Variants in MSTO1 observed in about 807,000 individuals in gnomAD.
MSTO1 encodes protein misato homolog 1.
MSTO1 carries 24 observed loss-of-function variants against 55.7 expected under a neutral mutation model. That is an observed-to-expected ratio of 0.43 (90% confidence interval 0.31 to 0.61). The LOEUF (loss-of-function observed/expected upper bound fraction) is 0.61. MSTO1 is among the 20% of genes least tolerant of loss of function. The pLI is 0.09. For synonymous variants in MSTO1, 162 were observed against 252.8 expected (o/e 0.64, Z 3.41); for missense variants, 363 against 625.7 (o/e 0.58, Z 4.48).
the MSTO1 span, among the ~76,000 whole-genome samples, chr1:155,580,228 GA>G: frequency 0.016 from 2,003 of 123,278 alleles, 46 homozygotes; most frequent in African/African-American, 0.054. Context: ...CTGACTCTAA[GA>G]AAAAAAAAAA....
At chr1:155,568,587 C>T in the MSTO1 span, among the ~76,000 whole-genome samples, 2 of 151,546 alleles carry the variant, frequency 1.3e-5, no homozygotes, top group South Asian at 2.1e-4. Flanking sequence ...TACAGATGCT[C>T]GCCACCACAC....
chr1:155,605,024 G>C, the MSTO1 span, among the ~76,000 whole-genome samples: 1 of 152,222 alleles, frequency 6.6e-6, no homozygotes. Context: ...ACTTTGGGAG[G>C]CTGAGGCAGG....
the MSTO1 span, among the ~76,000 whole-genome samples, chr1:155,600,221 G>A: frequency 1.3e-5 from 2 of 152,202 alleles, no homozygotes; most frequent in Non-Finnish European, 2.9e-5. Flanking sequence ...GCAGTGTTTT[G>A]TGTCTCTGGG....
the MSTO1 span, chr1:155,601,983 T>C: frequency 2.5e-6 from 1 of 396,690 alleles, no homozygotes; most frequent in African/African-American, 2.1e-5. Flanking sequence ...CTCGATCTCC[T>C]GACCTCGTGA....
upstream of MSTO1, among the ~76,000 whole-genome samples, chr1:155,609,228 T>G (rs1673231113): frequency 4.3e-5 from 2 of 46,672 alleles, no homozygotes; most frequent in African/African-American, 6.5e-5. Context: ...TATATATATA[T>G]ATATATATAT....
At chr1:155,609,245 T>TATATATATATA (rs1673298925), upstream of MSTO1, among the ~76,000 whole-genome samples, 4 of 67,780 alleles carry the variant, frequency 5.9e-5, no homozygotes, top group Non-Finnish European at 9.2e-5. Context: ...ATATATATAT[T>TATATATATATA]TTTTTTTTTT....
Position 155,612,481 on chromosome 1 carries a change from C to T in MSTO1, c.877C>T (p.His293Tyr). 6.2e-7 allele frequency: 1 copy of T among 1,614,048 alleles called. No homozygotes were observed. ...TAFGLVHLTA[H>Y]SSLVCPLSLG... Reference sequence around the variant, plus strand: ...TTTTGGTCTCGTGCACCTGACTGCTCACAGCTCTCTTGTCTGCCCCTTGTC... The same window carrying T: ...TTTTGGTCTCGTGCACCTGACTGCTTACAGCTCTCTTGTCTGCCCCTTGTC... The change falls in exon 9 of 14, where the codon CAC becomes TAC. Residue 293 changes from histidine (H) to tyrosine (Y), a missense_variant. By Grantham distance (83) the His-to-Tyr change is moderately conservative (BLOSUM62 2). Transcript: ENST00000245564.
the MSTO1 span, among the ~76,000 whole-genome samples, chr1:155,578,311 G>A: frequency 1.3e-3 from 181 of 144,340 alleles, no homozygotes; most frequent in African/African-American, 4.4e-3. Flanking sequence ...GGAGGGGTGG[G>A]GAGCAGAGGA....
the MSTO1 span, among the ~76,000 whole-genome samples, chr1:155,569,357 G>A: frequency 4.7e-5 from 7 of 147,808 alleles, no homozygotes; most frequent in African/African-American, 1.0e-4. Flanking sequence ...GGGTGGTCTC[G>A]ATCTCCTGAC....
the MSTO1 span, among the ~76,000 whole-genome samples, chr1:155,568,260 A>G: frequency 6.6e-6 from 1 of 150,740 alleles, no homozygotes; most frequent in Non-Finnish European, 1.5e-5. Context: ...TCGTAGTTTT[A>G]GTAGAGATGG....
chr1:155,570,286 C>G, the MSTO1 span, among the ~76,000 whole-genome samples: 1 of 152,140 alleles, frequency 6.6e-6, no homozygotes, highest in Non-Finnish European at 1.5e-5. Flanking sequence ...CAGTCATAGT[C>G]CCTTCCATAG....
At chr1:155,608,980 C>G (rs114710899), upstream of MSTO1, among the ~76,000 whole-genome samples, 3,048 of 150,802 alleles carry the variant, frequency 0.02, 102 homozygotes, top group African/African-American at 0.071. Flanking sequence ...CCCGCCACCA[C>G]GCCCGGCTAC....
the MSTO1 span, among the ~76,000 whole-genome samples, chr1:155,589,935 T>C: frequency 2.6e-5 from 4 of 151,784 alleles, no homozygotes; most frequent in Admixed American, 6.6e-5. Flanking sequence ...TCCAATCAAG[T>C]TGACACTTAA....
At position 155,610,525 on chromosome 1, in the gene MSTO1, C is replaced by A. The variant is rs1235273240; in HGVS notation, c.185C>A (p.Thr62Asn). 1 of 915,542 alleles carries A rather than the reference C, an allele frequency of 1.1e-6. No homozygotes were observed. Among genetic ancestry groups the A allele is most frequent in the East Asian group, 2.6e-5 (1 of 37,822 alleles). The allele number at this position is 915,542 out of a possible 1,614,324, so 56.7% of individuals were successfully genotyped here. A position where few individuals can be genotyped will look rare whatever the true frequency, so the allele number is the denominator to read the frequency against. The change falls in exon 2 of 14, where the codon ACC (threonine) becomes AAC (asparagine). Residue 62 changes from threonine (T) to asparagine (N), a missense_variant. Around this residue, in one of 3 missense-constraint regions of MSTO1, gnomAD observed 94 missense variants for 212.4 expected, o/e 0.44. Coordinates refer to ENST00000245564, the MANE Select transcript of MSTO1 (RefSeq NM_018116.4). ...GGCCGGACGCTGCACGGCCAGGAGA[C>A]CTACACGCCGCGACTCATCCTCATG... The part of the protein sequence containing the change: ...RTGRTLHGQE[T>N]YTPRLILMDL...
At chr1:155,604,950 AT>A in the MSTO1 span, among the ~76,000 whole-genome samples, 1 of 152,062 alleles carries the variant, frequency 6.6e-6, no homozygotes, top group East Asian at 1.9e-4. Flanking sequence ...AAAACAGATA[AT>A]TTTTTGCCTT....
chr1:155,584,447 G>A, the MSTO1 span, among the ~76,000 whole-genome samples: 8 of 151,632 alleles, frequency 5.3e-5, no homozygotes, highest in Non-Finnish European at 1.2e-4. Context: ...CAGGAAGATC[G>A]CTTGAGCCCA....
At chr1:155,609,213 A>C (rs1673216679), upstream of MSTO1, among the ~76,000 whole-genome samples, 2 of 131,408 alleles carry the variant, frequency 1.5e-5, no homozygotes, top group South Asian at 2.5e-4. Context: ...AGCTATTATC[A>C]GCAGTATATA....
At chr1:155,597,604 G>A in the MSTO1 span, among the ~76,000 whole-genome samples, 1 of 151,458 alleles carries the variant, frequency 6.6e-6, no homozygotes, top group Non-Finnish European at 1.5e-5. Flanking sequence ...CCGCCTCCCG[G>A]GTTCAAGCGA....
At chr1:155,589,025 C>T in the MSTO1 span, among the ~76,000 whole-genome samples, 2 of 152,162 alleles carry the variant, frequency 1.3e-5, no homozygotes, top group African/African-American at 4.8e-5. Flanking sequence ...CGGCCGGGCA[C>T]GGTAGCTCAT....
Sources: allele counts gnomAD v4.1 joint callset (sites outside exome capture counted in the v4.1 genomes callset), GRCh38; gene constraint gnomAD v4.1.1; regional missense constraint gnomAD v4.1.1; transcripts MANE v1.5; gene names NCBI Gene and HGNC (gene_info 2026-07-23, HGNC 2026-07-21).